Variants in FBLN2 observed in about 807,000 individuals in gnomAD.
FBLN2 encodes fibulin-2.
FBLN2 carries 81 observed loss-of-function variants against 123.7 expected under a neutral mutation model. That is an observed-to-expected ratio of 0.65 (90% CI 0.55 to 0.79). The LOEUF is 0.79. FBLN2 is among the 30% of genes least tolerant of loss of function. The pLI is 0.00. For missense variants in FBLN2, 1,603 were observed against 1,681.3 expected, an observed-to-expected ratio of 0.95 and a Z score of 0.81; for synonymous variants, 699 against 701.4, an observed-to-expected ratio of 1.00 and a Z score of 0.05.
At chr3:13,630,859 C>T (rs772774067) in intron 15 of FBLN2, 44 bp downstream of exon 15, 8 of 1,448,990 alleles carry the variant, frequency 5.5e-6, no homozygotes, top group South Asian at 1.2e-5. Flanking sequence ...AGAGTCACTC[C>T]TTTCCCTTGT....
At chr3:13,633,544 G>T (rs958292807) in intron 16 of FBLN2, among the ~76,000 whole-genome samples, 6 of 152,264 alleles carry the variant, frequency 3.9e-5, no homozygotes, top group Non-Finnish European at 7.3e-5. Context: ...ACTCCATGTA[G>T]CCACTTCTGC....
At position 13,557,964 on chromosome 3, in the gene FBLN2, C is replaced by A. The variant is rs535973953; in HGVS notation, c.-42+8756C>A. Among the ~76,000 whole-genome samples, 18 of 152,300 alleles carry A rather than the reference C, an allele frequency of 1.2e-4. No individual in the cohort carries two copies. In the South Asian group the frequency reaches 2.7e-3, roughly 23 times the overall value. ...CAGCAGGGGCTGACTGCCTTGGGGG[C>A]CTCCAAGGCTCTTGAGCCCAACGGT... On this transcript the variant is annotated intron_variant, in intron 1 of 17. Coordinates refer to ENST00000404922, the MANE Select transcript of FBLN2 (RefSeq NM_001004019.2).
intron 4 of FBLN2, among the ~76,000 whole-genome samples, chr3:13,611,137 G>T (rs1175385909): frequency 6.6e-6 from 1 of 151,918 alleles, no homozygotes; most frequent in Non-Finnish European, 1.5e-5. Flanking sequence ...ACTAGAGATG[G>T]GGTTTCACCA....
rs1234391104 is a variant in FBLN2, at chr3:13,549,159, G to A, written c.-91G>A. ...CAGGGGCCGCCCGGGCTCTCGACGCGCCGACGGCCGGGCGGACGGACGGAC... is the reference window on the plus strand; with the variant it reads ...CAGGGGCCGCCCGGGCTCTCGACGCACCGACGGCCGGGCGGACGGACGGAC... On this transcript the variant is annotated 5_prime_UTR_variant, in exon 1 of 18. Coordinates refer to ENST00000404922, the MANE Select transcript of FBLN2 (RefSeq NM_001004019.2). The A allele has an allele frequency of 2.3e-5, 23 of 982,584 alleles. No individual in the cohort carries two copies. In the South Asian group the frequency reaches 8.0e-4, roughly 34 times the overall value. The allele number at this position is 982,584 out of a possible 1,614,324, so 60.9% of individuals were successfully genotyped here.
chr3:13,568,889 C>A (rs1366662459), intron 1 of FBLN2: 2 of 985,634 alleles, frequency 2.0e-6, no homozygotes, highest in Admixed American at 6.1e-5. Context: ...GGCTGATAAA[C>A]CCCTGGTTCC....
chr3:13,586,465 G>A (rs1704503146), intron 2 of FBLN2, among the ~76,000 whole-genome samples: 1 of 148,920 alleles, frequency 6.7e-6, no homozygotes, highest in Admixed American at 6.7e-5. Context: ...TTACAGGCAT[G>A]AGCCACCACG....
In FBLN2 at chr3:13,619,668, T is replaced by G; in HGVS notation, c.2054-62T>G. On this transcript the variant is annotated intron_variant, in intron 7 of 17. Coordinates refer to ENST00000404922, the MANE Select transcript of FBLN2 (RefSeq NM_001004019.2). ...GTAGGTTAGAGCCAGGGATGGGGAA[T>G]GAGCCAGTGTGGACCAAGGCCAGGG... 29 of 1,388,018 alleles carry G rather than the reference T, an allele frequency of 2.1e-5. No individual in the cohort carries two copies. The Middle Eastern group carries it at 5.3e-4, about 26-fold the overall frequency. 86.0% of individuals were successfully genotyped at this position (1,388,018 alleles called of 1,614,324 possible).
chr3:13,551,683 G>A (rs909123077), intron 1 of FBLN2, among the ~76,000 whole-genome samples: 2 of 152,098 alleles, frequency 1.3e-5, no homozygotes, highest in Non-Finnish European at 2.9e-5. Flanking sequence ...AATGCTTGGG[G>A]CATGCTGATG....
At chr3:13,632,794 A>G (rs1052522848) in intron 16 of FBLN2, among the ~76,000 whole-genome samples, 7 of 152,222 alleles carry the variant, frequency 4.6e-5, no homozygotes, top group Non-Finnish European at 7.3e-5. Flanking sequence ...GGCCCACAGA[A>G]GCTGGCTTAC....
chr3:13,590,959 T>G (rs1395701127), intron 2 of FBLN2, among the ~76,000 whole-genome samples: 2 of 152,242 alleles, frequency 1.3e-5, no homozygotes, highest in East Asian at 1.9e-4. Context: ...AAAGGTTATG[T>G]TTAATGTTAG....
rs1462584930 is a variant in FBLN2 at position 13,614,934 on chromosome 3, AT to A, written c.1729+771del. Reference sequence around the variant, plus strand: ...CATCCATCCATCCATCCATCCATCCATCCATCCACCCACCCATCCGTCTGTT... The same window carrying A: ...CATCCATCCATCCATCCATCCATCCACCATCCACCCACCCATCCGTCTGTT... On this transcript the variant is annotated intron_variant, in intron 5 of 17. Coordinates refer to ENST00000404922, the MANE Select transcript of FBLN2 (RefSeq NM_001004019.2). Among the ~76,000 whole-genome samples, 158 of 148,578 alleles carry A rather than the reference AT, an allele frequency of 1.1e-3. 3 individuals carry two copies. The highest frequency in any genetic ancestry group is 3.5e-3 in the African/African-American group (140 of 39,848).
Position 13,570,507 on chromosome 3 carries a change from C to T in FBLN2, c.152C>T (p.Pro51Leu), listed in dbSNP as rs1176310166. 9.5e-6 allele frequency: 15 copies of T among 1,585,412 alleles called. No individual in the cohort carries two copies. Among genetic ancestry groups the T allele is most frequent in the African/African-American group, 1.3e-5 (1 of 74,418 alleles). ...AACTGCATTGAGGAGGCGCTGGAGC[C>T]GGGTGCCTGCTGTGCCACGTGTGTG... ...LENCIEEALEPGACCATCVQQ... is the reference protein window; with the variant it reads ...LENCIEEALELGACCATCVQQ... Residue 51 changes from proline to leucine, a missense_variant, in exon 2 of 18, where the codon CCG becomes CTG. Physicochemically the swap from Pro to Leu is moderately conservative, Grantham distance 98. Coordinates refer to ENST00000404922, the MANE Select transcript of FBLN2 (RefSeq NM_001004019.2).
chr3:13,549,135 A>T lies in FBLN2; in HGVS notation c.-115A>T, dbSNP rs1703253448. 4.1e-6 allele frequency: 4 copies of T among 982,442 alleles called. No individual in the cohort carries two copies. Among genetic ancestry groups the T allele is most frequent in the Non-Finnish European group, 4.8e-6 (4 of 828,892 alleles). 60.9% of individuals were successfully genotyped at this position (982,442 alleles called of 1,614,324 possible). A position where few individuals can be genotyped will look rare whatever the true frequency, so the allele number is the denominator to read the frequency against. On this transcript the variant is annotated 5_prime_UTR_variant, in exon 1 of 18. Transcript: ENST00000404922. ...CGCCCCGCCCCGCGCGCACACAGCC[A>T]GGGGCCGCCCGGGCTCTCGACGCGC...
chr3:13,562,554 A>T (rs991400646), intron 1 of FBLN2, among the ~76,000 whole-genome samples: 1 of 151,872 alleles, frequency 6.6e-6, no homozygotes, highest in Non-Finnish European at 1.5e-5. Flanking sequence ...ATGGCGTTTC[A>T]CCATGTTGGC....
intron 2 of FBLN2, among the ~76,000 whole-genome samples, chr3:13,572,565 A>G (rs924264918): frequency 1.3e-4 from 20 of 152,226 alleles, no homozygotes; most frequent in African/African-American, 4.6e-4. Flanking sequence ...GGCAGCCAGG[A>G]CCAGGGCACC....
At chr3:13,603,998 C>T (rs1435511951) in intron 2 of FBLN2, among the ~76,000 whole-genome samples, 1 of 152,316 alleles carries the variant, frequency 6.6e-6, no homozygotes, top group East Asian at 1.9e-4. Context: ...TGATGATGAG[C>T]ATTTTTTCAT....
chr3:13,631,362 T>A lies in FBLN2; in HGVS notation c.3119T>A (p.Leu1040His), dbSNP rs1170358625. ...GAGTGTGCTCAAGGCGCCGGCATCC[T>A]CTGCACCTTCCGCTGTCTCAACGTG... ...IDECAQGAGI[L>H]CTFRCLNVPG... Residue 1040 changes from leucine (L) to histidine (H), a missense_variant, in exon 16 of 18, where the codon CTC becomes CAC. Physicochemically the swap from Leu to His is moderately conservative, Grantham distance 99. Transcript: ENST00000404922. 1 of 1,603,344 alleles carries A rather than the reference T, an allele frequency of 6.2e-7. No individual in the cohort carries two copies. Among genetic ancestry groups the A allele is most frequent in the East Asian group, 2.2e-5 (1 of 44,452 alleles).
Position 13,629,930 on chromosome 3 carries a change from G to A in FBLN2, c.2953G>A (p.Gly985Ser), listed in dbSNP as rs773632087. ...CTCCGGGTTCCTGCTAGCAGCGGAC[G>A]GCAAGCGCTGTGAAGGTAGGCTGGC... ...CASGFLLAAD[G>S]KRCEDVNECE... The change falls in exon 14 of 18, where the codon GGC becomes AGC. Residue 985 changes from glycine (G) to serine (S), a missense_variant. Transcript: ENST00000404922. 3.4e-5 allele frequency: 55 copies of A among 1,610,336 alleles called. 1 individual carries two copies. The South Asian group carries it at 5.4e-4, about 16-fold the overall frequency.
At chr3:13,554,107 T>G (rs992002866) in intron 1 of FBLN2, among the ~76,000 whole-genome samples, 1 of 152,132 alleles carries the variant, frequency 6.6e-6, no homozygotes, top group Non-Finnish European at 1.5e-5. Context: ...ATGGGCCTGG[T>G]GGTAGGGGCC....
Sources: gnomAD v4.1 joint callset for allele counts (sites outside exome capture counted in the v4.1 genomes callset) on GRCh38, gnomAD v4.1.1 for gene constraint, MANE v1.5 for transcripts, NCBI Gene and HGNC (gene_info 2026-07-23, HGNC 2026-07-21) for gene names.